POLR3A: variants seen among roughly 807,000 people sequenced by gnomAD.
The protein encoded by POLR3A is DNA-directed RNA polymerase III subunit RPC1.
A neutral mutation model predicts 152.8 loss-of-function variants in POLR3A; 112 were observed. The observed-to-expected ratio is 0.73, with a 90% confidence interval of 0.63 to 0.86. POLR3A has a LOEUF of 0.86. Among genes scored for constraint, POLR3A ranks in the 40% least tolerant of loss-of-function variants. The pLI, the probability that POLR3A is intolerant of heterozygous loss-of-function variation, is 0.00. For missense variants in POLR3A, 1,385 were observed against 1,743.1 expected (o/e 0.79, Z 3.66); for synonymous variants, 615 against 652.1 (o/e 0.94, Z 0.87).
At chr10:78,001,654 A>G (rs943758113) in intron 17 of POLR3A, among the ~76,000 whole-genome samples, 2 of 152,222 alleles carry the variant, frequency 1.3e-5, no homozygotes. Flanking sequence ...TCTACAAAAT[A>G]GAAGAATTAT....
chr10:77,995,013 T>C (rs763512411), intron 19 of POLR3A, among the ~76,000 whole-genome samples: 43 of 152,148 alleles, frequency 2.8e-4, no homozygotes, highest in Non-Finnish European at 5.1e-4. Flanking sequence ...TATTCAACAT[T>C]CTTAAAGAAA....
At chr10:78,004,046 C>T (rs1409421875) in intron 16 of POLR3A, among the ~76,000 whole-genome samples, 3 of 151,894 alleles carry the variant, frequency 2.0e-5, no homozygotes, top group Non-Finnish European at 4.4e-5. Context: ...CCGTGCTGGC[C>T]AACATGGTGA....
At chr10:78,026,797 T>C (rs552127444) in intron 1 of POLR3A, among the ~76,000 whole-genome samples, 1 of 152,350 alleles carries the variant, frequency 6.6e-6, no homozygotes, top group African/African-American at 2.4e-5. Flanking sequence ...CAGCTACTGC[T>C]ACCCAACTGG....
At chr10:78,000,761 C>T (rs778240654) in intron 18 of POLR3A, among the ~76,000 whole-genome samples, 11 of 152,192 alleles carry the variant, frequency 7.2e-5, no homozygotes, top group Admixed American at 6.5e-4. Flanking sequence ...TGGCCTCAAG[C>T]AATCCTCTTG....
rs776956252 is a variant in POLR3A at position 77,991,180 on chromosome 10, A to C, written c.2788-13T>G. ...ACGGGAAGACTGCCTTGAGTATTAA[A>C]AGAAAATTGCATTATGTGTGGGTGC... On this transcript the variant is annotated splice_polypyrimidine_tract_variant and intron_variant, in intron 20 of 30. Coordinates refer to ENST00000372371, the MANE Select transcript of POLR3A (RefSeq NM_007055.4). 1.3e-6 allele frequency: 2 copies of C among 1,508,376 alleles called. No homozygotes were observed. Among genetic ancestry groups the C allele is most frequent in the South Asian group, 2.2e-5 (2 of 89,030 alleles). 93.4% of individuals were successfully genotyped at this position (1,508,376 alleles called of 1,614,324 possible). A position where few individuals can be genotyped will look rare whatever the true frequency, so the allele number is the denominator to read the frequency against.
Position 77,977,080 on chromosome 10 carries a change from G to A in POLR3A, c.*398C>T, listed in dbSNP as rs1847096030. The A allele has an allele frequency of 4.0e-6, 1 of 247,790 alleles. No individual in the cohort carries two copies. The highest frequency in any genetic ancestry group is 7.9e-6 in the Non-Finnish European group (1 of 125,878). 15.3% of individuals were successfully genotyped at this position (247,790 alleles called of 1,614,324 possible). A position where few individuals can be genotyped will look rare whatever the true frequency, so the allele number is the denominator to read the frequency against. ...AATCCAAGAATGTGCCCTGGCCTGT[G>A]TGGGGCTCAGGCCTGGCTCATCGTC... is the stretch of plus-strand genomic sequence containing the variant. On this transcript the variant is annotated 3_prime_UTR_variant, in exon 31 of 31. Transcript: ENST00000372371.
chr10:78,017,546 TG>T, intron 10 of POLR3A, 28 bp downstream of exon 10: 1 of 1,612,472 alleles, frequency 6.2e-7, no homozygotes, highest in Non-Finnish European at 8.5e-7. Flanking sequence ...TTCTACGTGA[TG>T]GAAAATTTAA....
rs1184068826 is a variant in POLR3A at position 78,024,373 on chromosome 10, A to C, written c.645+176T>G. On this transcript the variant is annotated intron_variant, in intron 5 of 30. Coordinates refer to ENST00000372371, the MANE Select transcript of POLR3A (RefSeq NM_007055.4). ...AGCGAGACTCTGTCTTCCATCTCAA[A>C]AAAAAAAAAAAAAAAAGGAATTATC... 5.4e-5 allele frequency among the ~76,000 whole-genome samples: 7 copies of C among 130,358 alleles called. No individual in the cohort carries two copies. In the South Asian group the frequency reaches 1.5e-3, roughly 27 times the overall value. 85.5% of individuals were successfully genotyped at this position (130,358 alleles called of 152,430 possible). A position where few individuals can be genotyped will look rare whatever the true frequency, so the allele number is the denominator to read the frequency against.
At chr10:78,015,810 T>C (rs886736445) in intron 10 of POLR3A, among the ~76,000 whole-genome samples, 2 of 152,088 alleles carry the variant, frequency 1.3e-5, no homozygotes, top group African/African-American at 4.8e-5. Flanking sequence ...GTGTGTGCCA[T>C]TGCCAGTCAA....
Position 78,026,113 on chromosome 10 carries a change from C to G in POLR3A, c.161G>C (p.Gly54Ala). Residue 54 changes from glycine (G) to alanine (A), a missense_variant, in exon 2 of 31, where the codon GGG (glycine) becomes GCG (alanine). By Grantham distance (60) the Gly-to-Ala change is moderately conservative. Transcript: ENST00000372371. ...CCTTACCATCCTATGGTCGAGCACCCCATATAGCAAGGGGGCATGTTGGTT... is the reference window on the plus strand; with the variant it reads ...CCTTACCATCCTATGGTCGAGCACCGCATATAGCAAGGGGGCATGTTGGTT... ...QDNQHAPLLY[G>A]VLDHRMGTSE... 1 of 1,614,128 alleles carries G rather than the reference C, an allele frequency of 6.2e-7. No individual in the cohort carries two copies.
At chr10:77,999,792 G>A (rs985058156) in intron 19 of POLR3A, among the ~76,000 whole-genome samples, 189 bp downstream of exon 19, 4 of 152,172 alleles carry the variant, frequency 2.6e-5, no homozygotes, top group Non-Finnish European at 4.4e-5. Context: ...ATCATAGGAT[G>A]ATTCGGAACA....
intron 18 of POLR3A, among the ~76,000 whole-genome samples, chr10:78,000,544 G>T (rs1259029585): frequency 1.3e-5 from 2 of 152,204 alleles, no homozygotes; most frequent in East Asian, 3.8e-4. Context: ...TGTCTACAGG[G>T]TTTCATTCTG....
At chr10:77,998,450 T>C (rs1007184895) in intron 19 of POLR3A, among the ~76,000 whole-genome samples, 1 of 151,968 alleles carries the variant, frequency 6.6e-6, no homozygotes, top group African/African-American at 2.4e-5. Context: ...CTCAAACAAA[T>C]TTACAAGAAA....
chr10:77,978,487 C>T lies in POLR3A; in HGVS notation c.4025-861G>A, dbSNP rs868531826. 4.6e-5 allele frequency among the ~76,000 whole-genome samples: 7 copies of T among 152,154 alleles called. No individual in the cohort carries two copies. The South Asian group carries it at 8.3e-4, about 18-fold the overall frequency. ...GGAGAAAGGTGCTGGTGTATGGGGC[C>T]GCAGAGCTGCGGCAAAGGCCCGGTT... On this transcript the variant is annotated intron_variant, in intron 30 of 30. Coordinates refer to ENST00000372371, the MANE Select transcript of POLR3A (RefSeq NM_007055.4).
chr10:78,013,745 A>G lies in POLR3A; in HGVS notation c.1477T>C (p.Cys493Arg). ...TCAAAGTCAGCATTATAGGGTGTACAGACACACTCATTAAATCTGAAGGTC... is the reference window on the plus strand; with the variant it reads ...TCAAAGTCAGCATTATAGGGTGTACGGACACACTCATTAAATCTGAAGGTC... ...HRTFRFNECV[C>R]TPYNADFDGD... The change falls in exon 11 of 31, where the codon TGT (cysteine) becomes CGT (arginine). Residue 493 changes from cysteine to arginine, a missense_variant. Cys to Arg is a radical substitution (Grantham distance 180). Transcript: ENST00000372371. 1.9e-6 allele frequency: 3 copies of G among 1,614,100 alleles called. No homozygotes were observed.
intron 15 of POLR3A, among the ~76,000 whole-genome samples, chr10:78,006,589 A>G (rs1004961811): frequency 5.9e-5 from 9 of 152,058 alleles, no homozygotes; most frequent in African/African-American, 2.2e-4. Flanking sequence ...TTAATCTAGG[A>G]GTTCTAATAT....
rs181108877 is a variant in POLR3A at position 78,009,090 on chromosome 10, T to C, written c.1909+447A>G. ...ATCGCTTGAACCCAGTAGGTGGAAG[T>C]TGCAGTCAGCTGAGACTGCACCACT... On this transcript the variant is annotated intron_variant, in intron 14 of 30. Coordinates refer to ENST00000372371, the MANE Select transcript of POLR3A (RefSeq NM_007055.4). Among the ~76,000 whole-genome samples the C allele has an allele frequency of 9.0e-4, 132 of 146,264 alleles. 1 individual carries two copies. Among genetic ancestry groups the C allele is most frequent in the African/African-American group, 3.9e-4 (15 of 38,410 alleles).
intron 8 of POLR3A, 131 bp downstream of exon 8, chr10:78,021,415 A>C: frequency 1.2e-6 from 1 of 814,446 alleles, no homozygotes. Flanking sequence ...AGACACATAC[A>C]CTCATATAAA....
Position 78,029,346 on chromosome 10 carries a change from A to G in POLR3A, c.44+18T>C, listed in dbSNP as rs1424229610. 1.9e-6 allele frequency: 3 copies of G among 1,613,276 alleles called. No individual in the cohort carries two copies. Among genetic ancestry groups the G allele is most frequent in the East Asian group, 4.5e-5 (2 of 44,846 alleles). The stretch of plus-strand genomic sequence containing the variant: ...TGCCCTATTTCTCAGCCCTTTGGCC[A>G]CTCTTACTCCGTCTTACATTTTCTT... On this transcript the variant is annotated intron_variant, in intron 1 of 30. Coordinates refer to ENST00000372371, the MANE Select transcript of POLR3A (RefSeq NM_007055.4).
Sources: gnomAD v4.1 joint callset for allele counts (sites outside exome capture counted in the v4.1 genomes callset) on GRCh38, gnomAD v4.1.1 for gene constraint, MANE v1.5 for transcripts, NCBI Gene and HGNC (gene_info 2026-07-23, HGNC 2026-07-21) for gene names.